Variants in SGCD observed in about 807,000 individuals in gnomAD.
The protein encoded by SGCD is delta-sarcoglycan.
Under a neutral mutation model 36.6 loss-of-function variants are expected in SGCD, and 18 were observed. That is an observed-to-expected ratio of 0.49 (90% confidence interval 0.34 to 0.73). SGCD has a LOEUF of 0.73. SGCD is among the 30% of genes least tolerant of loss of function. The pLI, the probability that SGCD is intolerant of heterozygous loss-of-function variation, is 0.01. For synonymous variants in SGCD, 133 were observed against 130.6 expected, an observed-to-expected ratio of 1.02 and a Z score of -0.12; for missense variants, 387 against 346.7, an observed-to-expected ratio of 1.12 and a Z score of -0.92.
At chr5:155,792,698 C>G in the SGCD span, among the ~76,000 whole-genome samples, 1 of 152,114 alleles carries the variant, frequency 6.6e-6, no homozygotes, top group African/African-American at 2.4e-5. Context: ...ATCAAAACCA[C>G]AATGAGATAC....
chr5:156,550,869 T>C (rs1758765639), intron 4 of SGCD, among the ~76,000 whole-genome samples: 1 of 152,230 alleles, frequency 6.6e-6, no homozygotes, highest in Non-Finnish European at 1.5e-5. Flanking sequence ...GGAATAAGCA[T>C]CCTTCATGAA....
the SGCD span, among the ~76,000 whole-genome samples, chr5:155,769,437 CA>C: frequency 9.2e-3 from 1,226 of 133,048 alleles, 6 homozygotes; most frequent in Non-Finnish European, 0.011. Flanking sequence ...TAGAAATGAC[CA>C]AAAAAAAAAA....
chr5:155,752,629 C>T, the SGCD span, among the ~76,000 whole-genome samples: 7 of 152,294 alleles, frequency 4.6e-5, 1 homozygote, highest in Non-Finnish European at 1.0e-4. Flanking sequence ...GGACCATAGT[C>T]TTCTACAAAA....
chr5:156,670,416 TTC>T (rs1344786197), intron 7 of SGCD, among the ~76,000 whole-genome samples: 1 of 152,212 alleles, frequency 6.6e-6, no homozygotes, highest in Non-Finnish European at 1.5e-5. Context: ...GTGGGGTATA[TTC>T]TGTTATTCTT....
intron 7 of SGCD, among the ~76,000 whole-genome samples, chr5:156,717,900 T>C (rs157677): frequency 0.3 from 45,248 of 151,744 alleles, 7,916 homozygotes; most frequent in African/African-American, 0.49. Flanking sequence ...AAGGCTTTCC[T>C]ATGTGACCCC....
chr5:156,048,776 C>A (rs893838058), intron 1 of SGCD, among the ~76,000 whole-genome samples: 2 of 152,044 alleles, frequency 1.3e-5, no homozygotes, highest in Non-Finnish European at 2.9e-5. Context: ...CTGTAGGTTG[C>A]CTGTTCACTC....
the SGCD span, among the ~76,000 whole-genome samples, chr5:155,822,343 T>C: frequency 6.6e-6 from 1 of 152,314 alleles, no homozygotes; most frequent in East Asian, 1.9e-4. Flanking sequence ...CACGGTAGGG[T>C]ACAGGCTGGG....
intron 3 of SGCD, among the ~76,000 whole-genome samples, chr5:156,286,109 C>G (rs959473048): frequency 1.1e-4 from 16 of 152,284 alleles, no homozygotes; most frequent in African/African-American, 3.8e-4. Flanking sequence ...AAATGCAAAT[C>G]AAAACCACAA....
intron 7 of SGCD, among the ~76,000 whole-genome samples, chr5:156,710,972 C>T (rs931800359): frequency 6.6e-6 from 1 of 152,096 alleles, no homozygotes; most frequent in African/African-American, 2.4e-5. Context: ...CTTTCAGGAC[C>T]TGCTATTTGT....
chr5:156,185,111 A>G (rs1385625768), intron 3 of SGCD, among the ~76,000 whole-genome samples: 5 of 151,796 alleles, frequency 3.3e-5, no homozygotes, highest in Admixed American at 3.3e-4. Flanking sequence ...AATAATTGAA[A>G]TGTTTGTGTT....
intron 1 of SGCD, among the ~76,000 whole-genome samples, chr5:155,975,145 T>A (rs534079093): frequency 6.6e-6 from 1 of 152,306 alleles, no homozygotes; most frequent in African/African-American, 2.4e-5. Context: ...TCTGTGGATA[T>A]TTCAACAATA....
At chr5:156,182,078 TG>T (rs1461380202) in intron 3 of SGCD, among the ~76,000 whole-genome samples, 1 of 152,220 alleles carries the variant, frequency 6.6e-6, no homozygotes, top group Non-Finnish European at 1.5e-5. Context: ...AAGTTAACAT[TG>T]TCAGATTCAA....
chr5:156,606,901 T>A (rs1761488940), intron 6 of SGCD, among the ~76,000 whole-genome samples: 1 of 152,236 alleles, frequency 6.6e-6, no homozygotes, highest in African/African-American at 2.4e-5. Flanking sequence ...TGACTTTGTA[T>A]CCTGAGACTG....
the SGCD span, among the ~76,000 whole-genome samples, chr5:155,750,843 TCATAACAGCCC>T: frequency 6.6e-6 from 1 of 152,100 alleles, no homozygotes; most frequent in Non-Finnish European, 1.5e-5. Context: ...ATTTGCTAGT[TCATAACAGCCC>T]TTACCCCCAC....
At chr5:156,258,068 T>A (rs1765760928) in intron 3 of SGCD, among the ~76,000 whole-genome samples, 1 of 152,226 alleles carries the variant, frequency 6.6e-6, no homozygotes, top group Non-Finnish European at 1.5e-5. Flanking sequence ...CAGTCTTACA[T>A]ATTTGTCAGA....
intron 7 of SGCD, among the ~76,000 whole-genome samples, chr5:156,669,010 C>T (rs1336608516): frequency 1.3e-5 from 2 of 152,178 alleles, no homozygotes; most frequent in Non-Finnish European, 2.9e-5. Context: ...TCTCCTTCAA[C>T]TCCTAGAGGA....
intron 7 of SGCD, among the ~76,000 whole-genome samples, chr5:156,742,705 G>A (rs1430559148): frequency 1.3e-5 from 2 of 152,166 alleles, no homozygotes; most frequent in Admixed American, 6.5e-5. Flanking sequence ...AGCTGATGGT[G>A]TTGTTCCAGT....
At chr5:156,512,578 T>A (rs1319045700) in intron 4 of SGCD, among the ~76,000 whole-genome samples, 1 of 152,338 alleles carries the variant, frequency 6.6e-6, no homozygotes, top group Non-Finnish European at 1.5e-5. Context: ...AAGTAATGCA[T>A]GCCTATATTG....
chr5:155,816,643 T>C, the SGCD span, among the ~76,000 whole-genome samples: 1 of 152,198 alleles, frequency 6.6e-6, no homozygotes, highest in East Asian at 1.9e-4. Context: ...AAATAAATGA[T>C]GTGAGAGGCA....
Sources: allele counts gnomAD v4.1 joint callset (sites outside exome capture counted in the v4.1 genomes callset), GRCh38; gene constraint gnomAD v4.1.1; transcripts MANE v1.5; gene names NCBI Gene and HGNC (gene_info 2026-07-23, HGNC 2026-07-21).